ADGRV1: variants seen among roughly 807,000 people sequenced by gnomAD.
ADGRV1 encodes G-protein coupled receptor 98.
A neutral mutation model predicts 596.2 loss-of-function variants in ADGRV1; 359 were observed. That is an observed-to-expected ratio of 0.60 (90% confidence interval 0.55 to 0.66). ADGRV1 has a LOEUF of 0.66. Among genes scored for constraint, ADGRV1 ranks in the 30% least tolerant of loss-of-function variants. The probability of loss-of-function intolerance (pLI) is 0.00; values close to 1 mark genes in which losing one functional copy is unlikely to be tolerated. For missense variants in ADGRV1, 7,274 were observed against 7,575.6 expected (o/e 0.96, Z 1.48); for synonymous variants, 2,681 against 2,679.2 (o/e 1.00, Z -0.02).
chr5:90,986,203 G>T (rs992597387), intron 85 of ADGRV1, among the ~76,000 whole-genome samples: 3 of 150,314 alleles, frequency 2.0e-5, no homozygotes, highest in African/African-American at 4.9e-5. Context: ...ACATGTAGGG[G>T]GTGGAAAAAC....
At chr5:90,992,551 T>G (rs961023362) in intron 85 of ADGRV1, among the ~76,000 whole-genome samples, 2 of 152,226 alleles carry the variant, frequency 1.3e-5, no homozygotes, top group East Asian at 3.8e-4. Context: ...TTGAGTAACC[T>G]TCACAGCATT....
intron 29 of ADGRV1, among the ~76,000 whole-genome samples, chr5:90,687,939 A>G (rs984157928): frequency 6.6e-6 from 1 of 152,206 alleles, no homozygotes; most frequent in African/African-American, 2.4e-5. Flanking sequence ...GCTCATGGGT[A>G]GGAAGAATCA....
chr5:90,915,574 G>A (rs1044376828), intron 83 of ADGRV1, among the ~76,000 whole-genome samples: 4 of 152,086 alleles, frequency 2.6e-5, no homozygotes, highest in Non-Finnish European at 5.9e-5. Context: ...AAAAATTAAC[G>A]CTGATTGTGA....
intron 1 of ADGRV1, among the ~76,000 whole-genome samples, chr5:90,570,332 TCTTC>T (rs1274308834): frequency 1.3e-5 from 2 of 152,164 alleles, no homozygotes; most frequent in Non-Finnish European, 2.9e-5. Context: ...ATAATTTTCT[TCTTC>T]CTTCCTCTTT....
chr5:90,714,122 T>C (rs1289419394), intron 42 of ADGRV1, among the ~76,000 whole-genome samples: 1 of 152,186 alleles, frequency 6.6e-6, no homozygotes, highest in Non-Finnish European at 1.5e-5. Context: ...TGTGTACATA[T>C]ACGATAGTTT....
At chr5:90,749,109 GT>G (rs1561652507) in intron 52 of ADGRV1, among the ~76,000 whole-genome samples, 1 of 152,166 alleles carries the variant, frequency 6.6e-6, no homozygotes, top group Non-Finnish European at 1.5e-5. Context: ...TTCCTCAACT[GT>G]TTGAGAATGG....
At chr5:90,874,328 C>T (rs1467188858) in intron 83 of ADGRV1, among the ~76,000 whole-genome samples, 5 of 152,332 alleles carry the variant, frequency 3.3e-5, no homozygotes, top group Admixed American at 1.3e-4. Context: ...TCAACTCTTA[C>T]GTTACCACCT....
chr5:90,790,773 A>ATT (rs141501365), intron 69 of ADGRV1, 100 bp from the exon 70 acceptor site: 34 of 673,960 alleles, frequency 5.0e-5, no homozygotes, highest in African/African-American at 4.8e-4. Flanking sequence ...GCACAATTAT[A>ATT]TTTTTTTTTT....
At chr5:90,700,915 G>A (rs1279534691) in intron 34 of ADGRV1, among the ~76,000 whole-genome samples, 1 of 151,976 alleles carries the variant, frequency 6.6e-6, no homozygotes, top group Admixed American at 6.6e-5. Flanking sequence ...TTAGTTTTAT[G>A]TACATTGTAG....
At chr5:90,807,847 C>A in intron 73 of ADGRV1, 110 bp downstream of exon 73, 1 of 1,031,094 alleles carries the variant, frequency 9.7e-7, no homozygotes, top group Non-Finnish European at 1.4e-6. Flanking sequence ...CAAACACAAA[C>A]ATAGTTTTAG....
chr5:90,871,553 A>G (rs1363853454), intron 83 of ADGRV1, among the ~76,000 whole-genome samples: 1 of 152,238 alleles, frequency 6.6e-6, no homozygotes, highest in African/African-American at 2.4e-5. Flanking sequence ...ATGAGGCTAC[A>G]GTGACATTAT....
intron 83 of ADGRV1, among the ~76,000 whole-genome samples, chr5:90,891,877 G>C (rs893652645): frequency 3.3e-5 from 5 of 151,902 alleles, no homozygotes; most frequent in Non-Finnish European, 7.4e-5. Context: ...TATTAATGTA[G>C]TTAATATGGA....
At chr5:90,660,097 G>C (rs1174876912) in intron 21 of ADGRV1, among the ~76,000 whole-genome samples, 1 of 151,962 alleles carries the variant, frequency 6.6e-6, no homozygotes, top group African/African-American at 2.4e-5. Flanking sequence ...GGAGAATCCA[G>C]CTGTCTTCTA....
rs370533011 is a variant in ADGRV1 at position 90,579,200 on chromosome 5, G to A, written c.22+20283G>A. Reference sequence around the variant, plus strand: ...CTAGTTCTTTTAATTGTGATGTTACGGTGCCGATTTTAGATCTTCCCTGCT... The same window carrying A: ...CTAGTTCTTTTAATTGTGATGTTACAGTGCCGATTTTAGATCTTCCCTGCT... On this transcript the variant is annotated intron_variant, in intron 1 of 89. Coordinates refer to ENST00000405460, the MANE Select transcript of ADGRV1 (RefSeq NM_032119.4). Among the ~76,000 whole-genome samples, 25 of 151,930 alleles carry A rather than the reference G, an allele frequency of 1.6e-4. 1 individual carries two copies. The highest frequency in any genetic ancestry group is 4.1e-4 in the South Asian group (2 of 4,820).
intron 1 of ADGRV1, among the ~76,000 whole-genome samples, chr5:90,579,682 ATCTG>A (rs1309973899): frequency 6.6e-6 from 1 of 152,124 alleles, no homozygotes; most frequent in Non-Finnish European, 1.5e-5. Context: ...TGTCTCGTTG[ATCTG>A]TCTAATGTTG....
chr5:90,662,415 G>A (rs1561479583), intron 21 of ADGRV1, among the ~76,000 whole-genome samples: 1 of 151,652 alleles, frequency 6.6e-6, no homozygotes, highest in South Asian at 2.1e-4. Flanking sequence ...GGATGGTCTC[G>A]ATCTCCTGAC....
chr5:90,585,897 C>T (rs902842891), intron 1 of ADGRV1, among the ~76,000 whole-genome samples: 1 of 152,168 alleles, frequency 6.6e-6, no homozygotes, highest in Non-Finnish European at 1.5e-5. Context: ...CTTATTCAAC[C>T]CTCACCTTGC....
chr5:90,964,294 T>G (rs1778266893), intron 83 of ADGRV1, among the ~76,000 whole-genome samples: 1 of 152,168 alleles, frequency 6.6e-6, no homozygotes, highest in Non-Finnish European at 1.5e-5. Context: ...AAGGCATAAG[T>G]CAACTAGTTT....
At chr5:91,118,339 T>C (rs1025912952) in intron 87 of ADGRV1, among the ~76,000 whole-genome samples, 8 of 151,880 alleles carry the variant, frequency 5.3e-5, no homozygotes, top group Non-Finnish European at 1.2e-4. Flanking sequence ...CACGCTATTA[T>C]GGGATCTATT....
Sources: allele counts gnomAD v4.1 joint callset (sites outside exome capture counted in the v4.1 genomes callset), GRCh38; gene constraint gnomAD v4.1.1; transcripts MANE v1.5; gene names NCBI Gene and HGNC (gene_info 2026-07-23, HGNC 2026-07-21).